PDE4D: variants seen among roughly 807,000 people sequenced by gnomAD.
PDE4D encodes the protein phosphodiesterase 4D.
In PDE4D, 24 loss-of-function variants were observed where a neutral mutation model predicts 87.4. The ratio of observed to expected loss-of-function variants is 0.27; its 90% confidence interval spans 0.20 to 0.39. The LOEUF is 0.39. PDE4D is among the 10% of genes least tolerant of loss of function. The pLI is 1.00. For missense variants in PDE4D, 714 were observed against 1,041.0 expected (o/e 0.69, Z 4.32); for synonymous variants, 384 against 383.2 (o/e 1.00, Z -0.02).
At chr5:59,224,539 A>T (rs1753314177) in intron 1 of PDE4D, among the ~76,000 whole-genome samples, 2 of 152,136 alleles carry the variant, frequency 1.3e-5, no homozygotes, top group African/African-American at 2.4e-5. Flanking sequence ...CTTTTGACAC[A>T]ATGATATGAT....
chr5:59,052,630 T>A (rs961312835), intron 5 of PDE4D, among the ~76,000 whole-genome samples: 1 of 152,190 alleles, frequency 6.6e-6, no homozygotes, highest in African/African-American at 2.4e-5. Context: ...AGAGTATGAC[T>A]TGGGAACAGT....
At chr5:59,685,905 C>T (rs1749785264) in intron 1 of PDE4D, among the ~76,000 whole-genome samples, 1 of 152,020 alleles carries the variant, frequency 6.6e-6, no homozygotes, top group Admixed American at 6.6e-5. Context: ...GCAAGACTTA[C>T]CCATCTGCAC....
At chr5:59,836,543 C>A (rs2152703090) in intron 1 of PDE4D, among the ~76,000 whole-genome samples, 1 of 152,016 alleles carries the variant, frequency 6.6e-6, no homozygotes, top group Non-Finnish European at 1.5e-5. Context: ...GAAGGCTGAG[C>A]TCAGCTTCTT....
chr5:59,516,320 T>G (rs1811148390), intron 1 of PDE4D, among the ~76,000 whole-genome samples: 1 of 152,164 alleles, frequency 6.6e-6, no homozygotes, highest in Admixed American at 6.5e-5. Flanking sequence ...TTTTCCCTCT[T>G]TCTTTAGCTT....
intron 1 of PDE4D, among the ~76,000 whole-genome samples, chr5:59,880,438 G>C (rs1581568396): frequency 6.6e-6 from 1 of 152,244 alleles, no homozygotes; most frequent in East Asian, 1.9e-4. Flanking sequence ...ACAAAAAGAT[G>C]TAGTGACAAA....
chr5:59,492,177 T>A (rs1806334886), intron 1 of PDE4D, among the ~76,000 whole-genome samples: 1 of 152,206 alleles, frequency 6.6e-6, no homozygotes, highest in African/African-American at 2.4e-5. Context: ...TGAATGCCCA[T>A]GAAAACCTTG....
chr5:60,002,139 C>T (rs773774491), intron 2 of PDE4D, among the ~76,000 whole-genome samples: 1 of 151,942 alleles, frequency 6.6e-6, no homozygotes, highest in Non-Finnish European at 1.5e-5. Flanking sequence ...CAACAAAATG[C>T]TGTCTCATAT....
At chr5:59,030,032 C>T (rs1757043438) in intron 6 of PDE4D, among the ~76,000 whole-genome samples, 1 of 152,000 alleles carries the variant, frequency 6.6e-6, no homozygotes, top group African/African-American at 2.4e-5. Flanking sequence ...TAAAAATCAA[C>T]TCAAAAGAGA....
intron 1 of PDE4D, among the ~76,000 whole-genome samples, chr5:59,798,254 CTGTGTGTGTGTGTGTGTGTGTGTGTGTG>C (rs72009917): frequency 7.0e-6 from 1 of 143,850 alleles, no homozygotes; most frequent in Non-Finnish European, 1.5e-5. Context: ...ATATAAATGC[CTGTGTGTGTGTGTGTGTGTGTGTGTGTG>C]TGTGTGTGTG....
At chr5:59,295,638 C>T (rs1212401207) in intron 1 of PDE4D, among the ~76,000 whole-genome samples, 1 of 152,126 alleles carries the variant, frequency 6.6e-6, no homozygotes, top group Non-Finnish European at 1.5e-5. Context: ...AAAGGTATCA[C>T]CTTCAGATTA....
chr5:60,189,226 T>C (rs896041702), intron 1 of PDE4D, among the ~76,000 whole-genome samples: 2 of 152,180 alleles, frequency 1.3e-5, no homozygotes, highest in Non-Finnish European at 2.9e-5. Flanking sequence ...ATAAGACAGA[T>C]AGTGCTGGAA....
chr5:60,067,840 T>C (rs891392285), intron 2 of PDE4D, among the ~76,000 whole-genome samples: 1 of 152,106 alleles, frequency 6.6e-6, no homozygotes, highest in Non-Finnish European at 1.5e-5. Flanking sequence ...CTATGACTCA[T>C]GTATTTCACT....
chr5:59,474,935 A>G (rs1376641966), intron 1 of PDE4D, among the ~76,000 whole-genome samples: 5 of 151,822 alleles, frequency 3.3e-5, no homozygotes, highest in African/African-American at 1.2e-4. Context: ...TTTTCCCCCT[A>G]AAAAGGTGTT....
At chr5:59,961,862 G>A (rs192344475) in intron 3 of PDE4D, among the ~76,000 whole-genome samples, 108 of 152,252 alleles carry the variant, frequency 7.1e-4, no homozygotes, top group Non-Finnish European at 4.9e-4. Context: ...AGTACCTGCC[G>A]AGGCTCTGGG....
chr5:59,276,081 T>C (rs1006331984), intron 1 of PDE4D: 2 of 976,898 alleles, frequency 2.0e-6, no homozygotes, highest in Non-Finnish European at 1.2e-6. Flanking sequence ...GTATGACGTC[T>C]GTAAGAAGGC....
At chr5:59,394,455 A>G (rs1788921749) in intron 1 of PDE4D, among the ~76,000 whole-genome samples, 1 of 152,136 alleles carries the variant, frequency 6.6e-6, no homozygotes, top group Non-Finnish European at 1.5e-5. Flanking sequence ...TTTTTTGCCC[A>G]ATGTGTAAGA....
intron 1 of PDE4D, among the ~76,000 whole-genome samples, chr5:60,429,266 T>C (rs545406235): frequency 6.6e-6 from 1 of 152,340 alleles, no homozygotes; most frequent in African/African-American, 2.4e-5. Flanking sequence ...TTTGTGGCTA[T>C]TGTGAATAGG....
At chr5:59,277,394 G>A (rs977583994) in intron 1 of PDE4D, among the ~76,000 whole-genome samples, 1 of 152,118 alleles carries the variant, frequency 6.6e-6, no homozygotes, top group Non-Finnish European at 1.5e-5. Context: ...CCCATGTCTA[G>A]TATATTGCTG....
At chr5:59,246,657 T>C (rs1758903009) in intron 1 of PDE4D, among the ~76,000 whole-genome samples, 1 of 152,170 alleles carries the variant, frequency 6.6e-6, no homozygotes, top group Admixed American at 6.6e-5. Context: ...TTGCTCTTAT[T>C]GAGGAAAGAG....
Sources: gnomAD v4.1 joint callset for allele counts (sites outside exome capture counted in the v4.1 genomes callset) on GRCh38, gnomAD v4.1.1 for gene constraint, MANE v1.5 for transcripts, NCBI Gene and HGNC (gene_info 2026-07-23, HGNC 2026-07-21) for gene names.